The following HCN1 variants were observed in gnomAD, a reference collection of about 807,000 sequenced individuals.
The protein encoded by HCN1 is hyperpolarization activated cyclic nucleotide gated potassium channel 1.
A neutral mutation model predicts 78.9 loss-of-function variants in HCN1; 13 were observed. The observed-to-expected ratio is 0.16, with a 90% CI of 0.11 to 0.26. The LOEUF (loss-of-function observed/expected upper bound fraction) is 0.26. Ranked by LOEUF, HCN1 falls within the 10% of genes least tolerant of loss-of-function variation. HCN1 has a pLI of 1.00. For missense variants in HCN1, 810 were observed against 1,154.3 expected (o/e 0.70, Z 4.32); for synonymous variants, 552 against 455.5 (o/e 1.21, Z -2.70).
chr5:45,349,437 G>A (rs1271477263), intron 5 of HCN1, among the ~76,000 whole-genome samples: 1 of 152,072 alleles, frequency 6.6e-6, no homozygotes, highest in Non-Finnish European at 1.5e-5. Context: ...ATCCAAATTT[G>A]ACACCCTAAC....
intron 5 of HCN1, among the ~76,000 whole-genome samples, chr5:45,321,251 C>A (rs1746119836): frequency 6.6e-6 from 1 of 151,708 alleles, no homozygotes; most frequent in African/African-American, 2.4e-5. Context: ...TTTATTAAGC[C>A]CCCATTTTGA....
intron 3 of HCN1, among the ~76,000 whole-genome samples, chr5:45,424,678 A>G (rs1197706193): frequency 6.6e-6 from 1 of 152,064 alleles, no homozygotes; most frequent in African/African-American, 2.4e-5. Context: ...CTTTCCTATT[A>G]TATATATTTT....
At chr5:45,557,006 G>A (rs185346386) in intron 2 of HCN1, among the ~76,000 whole-genome samples, 8 of 151,978 alleles carry the variant, frequency 5.3e-5, no homozygotes, top group East Asian at 3.9e-4. Flanking sequence ...TTCGATTTCC[G>A]TTCTCTTGTC....
intron 2 of HCN1, among the ~76,000 whole-genome samples, chr5:45,473,824 C>T (rs1339509860): frequency 6.6e-6 from 1 of 151,790 alleles, no homozygotes; most frequent in African/African-American, 2.4e-5. Flanking sequence ...TTTTAAACAT[C>T]TTGTAACCTG....
chr5:45,582,968 G>A (rs1207641047), intron 2 of HCN1, among the ~76,000 whole-genome samples: 1 of 126,040 alleles, frequency 7.9e-6, no homozygotes, highest in Non-Finnish European at 1.7e-5. Flanking sequence ...CAAGGATATT[G>A]GTCTAAAATT....
At chr5:45,640,627 T>G (rs1276136544) in intron 2 of HCN1, among the ~76,000 whole-genome samples, 1 of 149,450 alleles carries the variant, frequency 6.7e-6, no homozygotes, top group Non-Finnish European at 1.5e-5. Context: ...CAGGCTGGAG[T>G]GCAATGGCAT....
chr5:45,305,977 A>C (rs2111908673), intron 5 of HCN1, among the ~76,000 whole-genome samples: 1 of 152,236 alleles, frequency 6.6e-6, no homozygotes, highest in African/African-American at 2.4e-5. Flanking sequence ...TTCTCAAGCA[A>C]ATGGCTTGAG....
intron 6 of HCN1, among the ~76,000 whole-genome samples, chr5:45,300,950 A>G (rs529070416): frequency 1.3e-5 from 2 of 152,248 alleles, no homozygotes; most frequent in East Asian, 3.9e-4. Context: ...AGAAATGGAA[A>G]GCTTCAAAAT....
chr5:45,508,248 AGAAAAT>A (rs1234320171), intron 2 of HCN1, among the ~76,000 whole-genome samples: 1 of 152,186 alleles, frequency 6.6e-6, no homozygotes, highest in Non-Finnish European at 1.5e-5. Context: ...GTACGATTAC[AGAAAAT>A]TCCCAAAGGC....
At chr5:45,368,254 A>G (rs1747275008) in intron 4 of HCN1, among the ~76,000 whole-genome samples, 2 of 151,948 alleles carry the variant, frequency 1.3e-5, no homozygotes, top group South Asian at 4.1e-4. Flanking sequence ...CTTTTCTTCT[A>G]TTTTCGCCAT....
chr5:45,330,804 A>T (rs1043622261), intron 5 of HCN1, among the ~76,000 whole-genome samples: 3 of 151,004 alleles, frequency 2.0e-5, no homozygotes, highest in Non-Finnish European at 3.0e-5. Flanking sequence ...ATTTAAAAAA[A>T]TTTTCAAATA....
intron 5 of HCN1, among the ~76,000 whole-genome samples, chr5:45,347,954 C>T (rs553106335): frequency 1.3e-5 from 2 of 152,258 alleles, no homozygotes; most frequent in East Asian, 1.9e-4. Context: ...GGATATTATA[C>T]AGGAGAACTT....
At chr5:45,350,526 G>C (rs1746870635) in intron 5 of HCN1, among the ~76,000 whole-genome samples, 1 of 151,602 alleles carries the variant, frequency 6.6e-6, no homozygotes, top group South Asian at 2.1e-4. Flanking sequence ...TCTGGCCAGG[G>C]CAATCAGGCA....
rs569434433 is a variant in HCN1, at chr5:45,587,698, TA to T, written c.849+57486del. Among the ~76,000 whole-genome samples the T allele has an allele frequency of 1.8e-3, 270 of 151,952 alleles. 1 individual carries two copies. The highest frequency in any genetic ancestry group is 6.1e-3 in the African/African-American group (254 of 41,454). On this transcript the variant is annotated intron_variant, in intron 2 of 7. Transcript: ENST00000303230. ...ATGTACCCTAGAACTTAAAGTATAA[TA>T]AAAAAAGAAAGAAATATTAACACCA...
chr5:45,568,953 A>G (rs1236662133), intron 2 of HCN1, among the ~76,000 whole-genome samples: 1 of 151,862 alleles, frequency 6.6e-6, no homozygotes, highest in Non-Finnish European at 1.5e-5. Flanking sequence ...AATTCCCCTT[A>G]CCCCTTTCTC....
chr5:45,663,151 C>T (rs959550277), intron 1 of HCN1, among the ~76,000 whole-genome samples: 16 of 140,704 alleles, frequency 1.1e-4, no homozygotes, highest in African/African-American at 3.4e-4. Flanking sequence ...GAAATAATGC[C>T]GCATATCTAC....
intron 1 of HCN1, among the ~76,000 whole-genome samples, chr5:45,664,968 T>C (rs1174451549): frequency 6.6e-6 from 1 of 151,732 alleles, no homozygotes; most frequent in Non-Finnish European, 1.5e-5. Flanking sequence ...CAAAGGACTA[T>C]AAATCATGCT....
At chr5:45,695,633 TGAAG>T in intron 1 of HCN1, 32 bp downstream of exon 1, 1 of 1,592,800 alleles carries the variant, frequency 6.3e-7, no homozygotes, top group Non-Finnish European at 8.6e-7. Context: ...AGGGCGCGCC[TGAAG>T]GGAGGGTGGG....
At chr5:45,440,897 A>G (rs1740664014) in intron 3 of HCN1, among the ~76,000 whole-genome samples, 1 of 152,172 alleles carries the variant, frequency 6.6e-6, no homozygotes, top group African/African-American at 2.4e-5. Context: ...ATGGTTTACA[A>G]GACCCATTGG....
Sources: allele counts gnomAD v4.1 joint callset (sites outside exome capture counted in the v4.1 genomes callset), GRCh38; gene constraint gnomAD v4.1.1; transcripts MANE v1.5; gene names NCBI Gene and HGNC (gene_info 2026-07-23, HGNC 2026-07-21).